ATG2B: variants seen among roughly 807,000 people sequenced by gnomAD.
ATG2B encodes autophagy-related protein 2 homolog B.
In ATG2B, 121 loss-of-function variants were observed where a neutral mutation model predicts 241.3. That is an observed-to-expected ratio of 0.50 (90% CI 0.43 to 0.58). The LOEUF (loss-of-function observed/expected upper bound fraction) is 0.58. ATG2B is among the 20% of genes least tolerant of loss of function. ATG2B has a pLI of 0.00. For missense variants in ATG2B, 2,306 were observed against 2,491.6 expected (o/e 0.93, Z 1.59); for synonymous variants, 858 against 876.6 (o/e 0.98, Z 0.37).
intron 21 of ATG2B, 96 bp downstream of exon 21, chr14:96,316,437 C>G: frequency 7.9e-7 from 1 of 1,260,512 alleles, no homozygotes; most frequent in South Asian, 1.4e-5. Flanking sequence ...AAAATAATTT[C>G]TAATACCAAA....
At chr14:96,297,643 C>T (rs1222249905) in intron 34 of ATG2B, among the ~76,000 whole-genome samples, 1 of 152,102 alleles carries the variant, frequency 6.6e-6, no homozygotes, top group Admixed American at 6.5e-5. Context: ...GTGATCCACC[C>T]GCCTCGGCCT....
chr14:96,326,913 A>G (rs1472936149), intron 14 of ATG2B, among the ~76,000 whole-genome samples: 3 of 152,176 alleles, frequency 2.0e-5, no homozygotes, highest in African/African-American at 7.2e-5. Flanking sequence ...ATTTGCTAAT[A>G]TTTAACCACC....
rs117957419 is a variant in ATG2B at position 96,287,438 on chromosome 14, G to A, written c.6007-1453C>T. Reference sequence around the variant, plus strand: ...CAGCTCTCCTCCCTATCCCACCTGCGATAAACAGGAGTAGATGAGTAGAGT... The same window carrying A: ...CAGCTCTCCTCCCTATCCCACCTGCAATAAACAGGAGTAGATGAGTAGAGT... On this transcript the variant is annotated intron_variant, in intron 41 of 41. Transcript: ENST00000359933. Among the ~76,000 whole-genome samples the A allele has an allele frequency of 5.1e-3, 770 of 152,100 alleles. 4 individuals carry two copies. The highest frequency in any genetic ancestry group is 7.6e-3 in the Non-Finnish European group (519 of 67,982).
At chr14:96,332,272 G>A (rs745895312) in intron 10 of ATG2B, 33 bp downstream of exon 10, 95 of 1,540,140 alleles carry the variant, frequency 6.2e-5, no homozygotes, top group Non-Finnish European at 8.1e-5. Flanking sequence ...AATTCCAGCG[G>A]AAACTAACAA....
At position 96,306,918 on chromosome 14, in the gene ATG2B, T is replaced by C. The variant is rs1394656112; in HGVS notation, c.4304-2A>G. On this transcript the variant is annotated splice_acceptor_variant, in intron 29 of 41. Coordinates refer to ENST00000359933, the MANE Select transcript of ATG2B (RefSeq NM_018036.7). LOFTEE classifies it high-confidence loss of function. ...TTTGAGATTTTTCATCCAAAACACCTAGATAAAAAGATTACAACATTTTGG... is the reference window on the plus strand; with the variant it reads ...TTTGAGATTTTTCATCCAAAACACCCAGATAAAAAGATTACAACATTTTGG... 1 of 1,610,546 alleles carries C rather than the reference T, an allele frequency of 6.2e-7. No individual in the cohort carries two copies. Among genetic ancestry groups the C allele is most frequent in the South Asian group, 1.1e-5 (1 of 90,398 alleles).
chr14:96,350,834 C>T (rs1888298731), intron 1 of ATG2B, among the ~76,000 whole-genome samples: 1 of 152,134 alleles, frequency 6.6e-6, no homozygotes, highest in Admixed American at 6.5e-5. Context: ...TATAAGCATC[C>T]AAACATATTC....
intron 2 of ATG2B, among the ~76,000 whole-genome samples, chr14:96,346,960 CCAAA>C (rs1888184343): frequency 6.6e-6 from 1 of 152,134 alleles, no homozygotes; most frequent in Admixed American, 6.5e-5. Context: ...ATTAAATAAA[CCAAA>C]CAATCTGTAT....
At chr14:96,326,575 T>C (rs1887593194) in intron 14 of ATG2B, among the ~76,000 whole-genome samples, 2 of 152,196 alleles carry the variant, frequency 1.3e-5, no homozygotes, top group Admixed American at 1.3e-4. Context: ...GAACATCCCA[T>C]TCAAATAGAA....
At position 96,290,494 on chromosome 14, in the gene ATG2B, C is replaced by CCA; in HGVS notation, c.5796_5797dup (p.Gly1933ValfsTer10). The CCA allele has an allele frequency of 6.2e-7, 1 of 1,614,166 alleles. No individual in the cohort carries two copies. Among genetic ancestry groups the CCA allele is most frequent in the South Asian group, 1.1e-5 (1 of 91,086 alleles). Reference sequence around the variant, plus strand: ...TAGAGCAGCCATCGCTGTCGAGGTACCAAAGGAAGCAGCGCCTCTCTGAAA... The same window carrying CCA: ...TAGAGCAGCCATCGCTGTCGAGGTACCACAAAGGAAGCAGCGCCTCTCTGAAA... On this transcript the variant is annotated frameshift_variant, in exon 40 of 42. Transcript: ENST00000359933. LOFTEE classifies it high-confidence loss of function. This position sits in a 1 kb window ranked among gnomAD's most constrained non-coding sequence, Gnocchi z 4.4.
intron 38 of ATG2B, among the ~76,000 whole-genome samples, chr14:96,291,229 T>C (rs1156328091): frequency 6.6e-6 from 1 of 152,160 alleles, no homozygotes; most frequent in Non-Finnish European, 1.5e-5. Flanking sequence ...TATTAGTGTG[T>C]TTTTCCAATG....
chr14:96,280,237 CTT>C lies in ATG2B; in HGVS notation c.*5516_*5517del, dbSNP rs1044845654. 1 of 152,200 alleles carries C rather than the reference CTT, an allele frequency of 6.6e-6. No homozygotes were observed. The highest frequency in any genetic ancestry group is 1.5e-5 in the Non-Finnish European group (1 of 68,038). The allele number at this position is 152,200 out of a possible 1,614,324, so 9.4% of individuals were successfully genotyped here. A position where few individuals can be genotyped will look rare whatever the true frequency, so the allele number is the denominator to read the frequency against. ...TCTGTGGTTTCCCAATTAGTGAAGA[CTT>C]TTTGCTAAGTTAGGTAACTGCTCCA... On this transcript the variant is annotated 3_prime_UTR_variant, in exon 42 of 42. Coordinates refer to ENST00000359933, the MANE Select transcript of ATG2B (RefSeq NM_018036.7).
Position 96,325,879 on chromosome 14 carries a change from G to C in ATG2B, c.2207C>G (p.Pro736Arg). Residue 736 changes from proline to arginine, a missense_variant, in exon 15 of 42, where the codon CCT becomes CGT. Pro to Arg is a moderately radical substitution (Grantham distance 103, BLOSUM62 -2). Around this residue, in one of 2 missense-constraint regions of ATG2B, gnomAD observed 1,927 missense variants for 2,011.2 expected, o/e 0.96. Coordinates refer to ENST00000359933, the MANE Select transcript of ATG2B (RefSeq NM_018036.7). ...TTGTACTGATATCCGACAATTTGCAGGACTATGTGAATCATCTAGAAACAC... is the reference window on the plus strand; with the variant it reads ...TTGTACTGATATCCGACAATTTGCACGACTATGTGAATCATCTAGAAACAC... ...TEVFLDDSHS[P>R]ANCRISVQVA... is the part of the protein sequence containing the mutation. 6.2e-7 allele frequency: 1 copy of C among 1,613,890 alleles called. No homozygotes were observed. Among genetic ancestry groups the C allele is most frequent in the Non-Finnish European group, 8.5e-7 (1 of 1,179,942 alleles).
At chr14:96,306,577 C>T (rs1203736912) in intron 30 of ATG2B, 137 bp downstream of exon 30, 19 of 676,152 alleles carry the variant, frequency 2.8e-5, no homozygotes, top group South Asian at 2.1e-4. Flanking sequence ...CACCAACTGT[C>T]AATAGTATAT....
rs1566719988 is a variant in ATG2B, at chr14:96,308,280, A to ATG, written c.4303+1172_4303+1173insCA. Among the ~76,000 whole-genome samples the ATG allele has an allele frequency of 6.8e-3, 196 of 28,618 alleles. 11 individuals are homozygous for ATG. Among genetic ancestry groups the ATG allele is most frequent in the Non-Finnish European group, 0.012 (159 of 13,782 alleles). 18.8% of individuals were successfully genotyped at this position (28,618 alleles called of 152,430 possible). On this transcript the variant is annotated intron_variant, in intron 29 of 41. Coordinates refer to ENST00000359933, the MANE Select transcript of ATG2B (RefSeq NM_018036.7). ...CACATATATATATATATATATATAT[A>ATG]TATTTTTTTTTTTTTTTTTTTTGAG...
At position 96,331,630 on chromosome 14, in the gene ATG2B, T is replaced by C. The variant is rs1887736291; in HGVS notation, c.1476A>G (p.Pro492=). The stretch of plus-strand genomic sequence containing the variant: ...ATTCATCCACTGAAACAGATCTAGA[T>C]GGGAGAGCTAAAATACAAGTATTAA... ...HPTPLQKTSL[P]SRSVSVDESR... Residue 492 remains proline, a synonymous_variant, in exon 11 of 42, where the codon CCA becomes CCG. Coordinates refer to ENST00000359933, the MANE Select transcript of ATG2B (RefSeq NM_018036.7). 1.3e-6 allele frequency: 2 copies of C among 1,591,050 alleles called. No individual in the cohort carries two copies. The highest frequency in any genetic ancestry group is 1.4e-5 in the African/African-American group (1 of 73,358).
chr14:96,279,607 G>A lies in ATG2B; in HGVS notation c.*6148C>T, dbSNP rs1321634461. ...AAAGCATGCTATAGTGGGAAACAGA[G>A]AGGAAGGGAGGGTGGCCAGGCTGCC... On this transcript the variant is annotated 3_prime_UTR_variant, in exon 42 of 42. Coordinates refer to ENST00000359933, the MANE Select transcript of ATG2B (RefSeq NM_018036.7). 6.6e-6 allele frequency: 1 copy of A among 152,370 alleles called. No homozygotes were observed. The highest frequency in any genetic ancestry group is 2.4e-5 in the African/African-American group (1 of 41,476). 9.4% of individuals were successfully genotyped at this position (152,370 alleles called of 1,614,324 possible).
Position 96,303,266 on chromosome 14 carries a change from A to G in ATG2B, c.4843-11T>C, listed in dbSNP as rs2139848172. 1 of 1,536,964 alleles carries G rather than the reference A, an allele frequency of 6.5e-7. No homozygotes were observed. Reference sequence around the variant, plus strand: ...ATGCTGAAACTTCACCTTAACGGGTAAGGAGGAAGAACGCGGAACAGTTCT... The same window carrying G: ...ATGCTGAAACTTCACCTTAACGGGTGAGGAGGAAGAACGCGGAACAGTTCT... On this transcript the variant is annotated splice_polypyrimidine_tract_variant and intron_variant, in intron 32 of 41. Transcript: ENST00000359933.
intron 29 of ATG2B, among the ~76,000 whole-genome samples, chr14:96,308,088 C>T (rs929578265): frequency 1.3e-5 from 2 of 149,954 alleles, no homozygotes; most frequent in Non-Finnish European, 3.0e-5. Flanking sequence ...ATTGAAGCCA[C>T]CCAGTAAATA....
At chr14:96,314,543 T>G (rs1389687069) in intron 23 of ATG2B, among the ~76,000 whole-genome samples, 2 of 152,242 alleles carry the variant, frequency 1.3e-5, no homozygotes, top group Non-Finnish European at 2.9e-5. Flanking sequence ...ACGCCAGACA[T>G]TCTACAAGTC....
Sources: gnomAD v4.1 joint callset for allele counts (sites outside exome capture counted in the v4.1 genomes callset) on GRCh38, gnomAD v4.1.1 for gene constraint, gnomAD v4.1.1 regional missense constraint, Gnocchi (gnomAD v3.1) non-coding constraint, MANE v1.5 for transcripts, NCBI Gene and HGNC (gene_info 2026-07-23, HGNC 2026-07-21) for gene names.